ANKRD12: variants seen among roughly 807,000 people sequenced by gnomAD.
The protein encoded by ANKRD12 is ankyrin repeat domain-containing protein 12.
A neutral mutation model predicts 183.4 loss-of-function variants in ANKRD12; 85 were observed. The observed-to-expected ratio is 0.46, with a 90% CI of 0.39 to 0.56. The LOEUF is 0.56. Ranked by LOEUF, ANKRD12 falls within the 20% of genes least tolerant of loss-of-function variation. The probability of loss-of-function intolerance (pLI) is 0.00; values close to 1 mark genes in which losing one functional copy is unlikely to be tolerated. For missense variants in ANKRD12, 2,405 were observed against 2,357.1 expected, an observed-to-expected ratio of 1.02 and a Z score of -0.42; for synonymous variants, 914 against 800.2, an observed-to-expected ratio of 1.14 and a Z score of -2.40.
intron 8 of ANKRD12, among the ~76,000 whole-genome samples, chr18:9,228,763 T>A (rs2036870706): frequency 6.6e-6 from 1 of 152,140 alleles, no homozygotes. Context: ...CATTCGAGGG[T>A]TGTCTCTTTA....
intron 1 of ANKRD12, among the ~76,000 whole-genome samples, chr18:9,154,498 A>C (rs2030090407): frequency 6.6e-6 from 1 of 152,132 alleles, no homozygotes; most frequent in Non-Finnish European, 1.5e-5. Context: ...CGAGGTGGGC[A>C]GATCGCTTGA....
In ANKRD12 at chr18:9,204,435, G is replaced by T. The variant is rs201125084; in HGVS notation, c.236-41G>T. On this transcript the variant is annotated intron_variant, in intron 3 of 12. Coordinates refer to ENST00000262126, the MANE Select transcript of ANKRD12 (RefSeq NM_015208.5). ...TTTGTTGAATTCTGCATTTCCCTCC[G>T]TGTGCTTTTTTCTCTTCTCCTGTCT... 2.8e-6 allele frequency: 4 copies of T among 1,409,190 alleles called. No homozygotes were observed. In the African/African-American group the frequency reaches 4.3e-5, roughly 15 times the overall value. 87.3% of individuals were successfully genotyped at this position (1,409,190 alleles called of 1,614,324 possible).
At chr18:9,258,952 C>G (rs115199552) in intron 9 of ANKRD12, 21 bp downstream of exon 9, 5 of 1,579,932 alleles carry the variant, frequency 3.2e-6, no homozygotes, top group Non-Finnish European at 4.3e-6. Context: ...TCATCACTTG[C>G]TATACACCTG....
chr18:9,245,277 C>A (rs2037892338), intron 8 of ANKRD12, among the ~76,000 whole-genome samples: 1 of 151,160 alleles, frequency 6.6e-6, no homozygotes, highest in Non-Finnish European at 1.5e-5. Flanking sequence ...TGGCAAAACC[C>A]CATTTCTACA....
rs375148601 is a variant in ANKRD12 at position 9,254,436 on chromosome 18, A to G, written c.1169A>G (p.Glu390Gly). 6 of 1,579,396 alleles carry G rather than the reference A, an allele frequency of 3.8e-6. No individual in the cohort carries two copies. Among genetic ancestry groups the G allele is most frequent in the Non-Finnish European group, 5.1e-6 (6 of 1,168,220 alleles). Residue 390 changes from glutamate to glycine, a missense_variant, in exon 9 of 13, where the codon GAA (glutamate) becomes GGA (glycine). Physicochemically the swap from Glu to Gly is moderately conservative, Grantham distance 98. Around this residue, in one of 7 missense-constraint regions of ANKRD12, gnomAD observed 1,983 missense variants for 1,725.9 expected, o/e 1.15. Transcript: ENST00000262126. ...ILRKEQRKEN[E>G]PEAEKTHLFA... ...AGGAAAGAACAACGAAAAGAAAATG[A>G]ACCTGAAGCAGAAAAAACTCATTTA...
chr18:9,281,070 G>T lies in ANKRD12; in HGVS notation c.6133G>T (p.Glu2045Ter). The T allele has an allele frequency of 6.2e-7, 1 of 1,614,046 alleles. No homozygotes were observed. The highest frequency in any genetic ancestry group is 8.5e-7 in the Non-Finnish European group (1 of 1,179,994). ...ATCTATCAGCATTTACGAAATCCAG[G>T]AGTTTTATGTTCCCCTTGTTGATGT... ...YKSISIYEIQ[E>*]FYVPLVDVND... The change falls in exon 13 of 13, where the codon GAG becomes TAG. Residue 2045 changes from glutamate to a stop codon, truncating the protein, a stop_gained. Coordinates refer to ENST00000262126, the MANE Select transcript of ANKRD12 (RefSeq NM_015208.5). LOFTEE classifies it high-confidence loss of function.
rs145450239 is a variant in ANKRD12, at chr18:9,160,268, A to T, written c.-51-22114A>T. ...GTAGCTGGGACCACAGACTGTGCTG[A>T]GGCACCTGGCTAATTAAAAAACAAT... is the stretch of plus-strand genomic sequence containing the variant. On this transcript the variant is annotated intron_variant, in intron 1 of 12. Coordinates refer to ENST00000262126, the MANE Select transcript of ANKRD12 (RefSeq NM_015208.5). Among the ~76,000 whole-genome samples the T allele has an allele frequency of 2.2e-3, 338 of 152,216 alleles. 3 individuals are homozygous for T. Among genetic ancestry groups the T allele is most frequent in the Non-Finnish European group, 1.6e-3 (109 of 67,992 alleles).
chr18:9,156,218 C>T (rs904816160), intron 1 of ANKRD12, among the ~76,000 whole-genome samples: 1 of 151,128 alleles, frequency 6.6e-6, no homozygotes, highest in Non-Finnish European at 1.5e-5. Flanking sequence ...AGGATTTTTC[C>T]CCTAATACTT....
At chr18:9,196,999 A>G (rs1398332788) in intron 3 of ANKRD12, among the ~76,000 whole-genome samples, 1 of 152,164 alleles carries the variant, frequency 6.6e-6, no homozygotes, top group Non-Finnish European at 1.5e-5. Flanking sequence ...GTCATTTTTA[A>G]ATTACATTAC....
At chr18:9,263,402 A>G (rs985368984) in intron 9 of ANKRD12, among the ~76,000 whole-genome samples, 3 of 151,978 alleles carry the variant, frequency 2.0e-5, no homozygotes, top group South Asian at 2.1e-4. Context: ...AGACCTCACT[A>G]TATAGATACC....
At chr18:9,217,389 A>G in intron 7 of ANKRD12, among the ~76,000 whole-genome samples, 1 of 152,210 alleles carries the variant, frequency 6.6e-6, no homozygotes, top group Admixed American at 6.5e-5. Context: ...TTATATGATA[A>G]ATAATACCTA....
intron 3 of ANKRD12, among the ~76,000 whole-genome samples, chr18:9,201,868 C>T (rs1448716122): frequency 6.6e-6 from 1 of 151,476 alleles, no homozygotes; most frequent in Non-Finnish European, 1.5e-5. Flanking sequence ...CGCTCTTTCA[C>T]CCAGGCTGGA....
At chr18:9,172,060 C>T (rs992106761) in intron 1 of ANKRD12, among the ~76,000 whole-genome samples, 13 of 151,694 alleles carry the variant, frequency 8.6e-5, no homozygotes, top group African/African-American at 3.1e-4. Context: ...AATATTGGTC[C>T]CCAATCTTTT....
rs373975771 is a variant in ANKRD12, at chr18:9,216,808, A to G, written c.703A>G (p.Lys235Glu). 1.9e-6 allele frequency: 3 copies of G among 1,613,688 alleles called. No individual in the cohort carries two copies. The highest frequency in any genetic ancestry group is 2.5e-6 in the Non-Finnish European group (3 of 1,179,716). ...CAATGTTGGATATTACGATGTTGCT[A>G]AGATACTTATAGCAGCTGGAGCAGA... Reference protein sequence around the residue: ...ACNVGYYDVAKILIAAGADVN... With the variant: ...ACNVGYYDVAEILIAAGADVN... Residue 235 changes from lysine (K) to glutamate (E), a missense_variant, in exon 7 of 13, where the codon AAG becomes GAG. Physicochemically the swap from Lys to Glu is moderately conservative, Grantham distance 56. This residue lies in a region of ANKRD12 where 39 missense variants were observed against 104.8 expected (regional missense o/e 0.37). Transcript: ENST00000262126.
chr18:9,188,410 C>A (rs759404386), intron 2 of ANKRD12, among the ~76,000 whole-genome samples: 23 of 152,142 alleles, frequency 1.5e-4, no homozygotes, highest in Non-Finnish European at 2.2e-4. Flanking sequence ...CATACAAATA[C>A]CCATGAAAAG....
chr18:9,225,006 C>A (rs981103170), intron 8 of ANKRD12, among the ~76,000 whole-genome samples: 14 of 152,068 alleles, frequency 9.2e-5, no homozygotes, highest in African/African-American at 3.4e-4. Flanking sequence ...AGGAGCTGAA[C>A]CCAGGAGTTT....
In ANKRD12 at chr18:9,257,789, C is replaced by G. The variant is rs1443945395; in HGVS notation, c.4522C>G (p.His1508Asp). ...TTCAGATGCTGAATCGATTTCTAAA[C>G]ATATGTCTTTGTCATATGTTGCTAA... is the stretch of plus-strand genomic sequence containing the variant. ...SLSDAESISKHMSLSYVANQE... is the reference protein window; with the variant it reads ...SLSDAESISKDMSLSYVANQE... Residue 1508 changes from histidine to aspartate, a missense_variant, in exon 9 of 13, where the codon CAT (histidine) becomes GAT (aspartate). Transcript: ENST00000262126. 5 of 1,613,854 alleles carry G rather than the reference C, an allele frequency of 3.1e-6. No individual in the cohort carries two copies. In the East Asian group the frequency reaches 1.1e-4, roughly 36 times the overall value.
intron 8 of ANKRD12, chr18:9,235,573 A>G (rs963608859): frequency 4.4e-6 from 2 of 453,982 alleles, no homozygotes; most frequent in Admixed American, 4.7e-5. Flanking sequence ...ACCTGATGAA[A>G]GAATATACTG....
At chr18:9,163,703 T>C (rs2031716368) in intron 1 of ANKRD12, among the ~76,000 whole-genome samples, 1 of 152,208 alleles carries the variant, frequency 6.6e-6, no homozygotes, top group African/African-American at 2.4e-5. Flanking sequence ...TCCTCTCTTA[T>C]TTCCTTGACC....
Sources: allele counts gnomAD v4.1 joint callset (sites outside exome capture counted in the v4.1 genomes callset), GRCh38; gene constraint gnomAD v4.1.1; regional missense constraint gnomAD v4.1.1; transcripts MANE v1.5; gene names NCBI Gene and HGNC (gene_info 2026-07-23, HGNC 2026-07-21).